Variants in CMSS1 observed in about 807,000 individuals in gnomAD.
The protein encoded by CMSS1 is protein CMSS1.
CMSS1 carries 33 observed loss-of-function variants against 43.5 expected under a neutral mutation model. The ratio of observed to expected loss-of-function variants is 0.76; its 90% CI spans 0.57 to 1.01. CMSS1 has a LOEUF of 1.01. CMSS1 is among the 50% of genes least tolerant of loss of function. The pLI, the probability that CMSS1 is intolerant of heterozygous loss-of-function variation, is 0.00. For missense variants in CMSS1, 313 were observed against 326.4 expected (o/e 0.96, Z 0.32); for synonymous variants, 115 against 117.2 (o/e 0.98, Z 0.12).
chr3:99,864,364 A>C (rs910474693), intron 1 of CMSS1, among the ~76,000 whole-genome samples: 1 of 152,152 alleles, frequency 6.6e-6, no homozygotes, highest in Non-Finnish European at 1.5e-5. Context: ...GTGCCACTAG[A>C]TCTCACTTAA....
chr3:100,036,430 A>AT (rs2065109790), intron 1 of CMSS1, among the ~76,000 whole-genome samples: 1 of 152,218 alleles, frequency 6.6e-6, no homozygotes, highest in Non-Finnish European at 1.5e-5. Flanking sequence ...CACTGGCCTA[A>AT]TCTGAAACAA....
At chr3:100,038,463 C>A (rs1231765448) in intron 1 of CMSS1, among the ~76,000 whole-genome samples, 2 of 152,020 alleles carry the variant, frequency 1.3e-5, no homozygotes, top group Non-Finnish European at 2.9e-5. Context: ...GAGTAGGGAG[C>A]GGAAACAGGC....
At chr3:100,044,233 T>C (rs1340055572) in intron 1 of CMSS1, among the ~76,000 whole-genome samples, 2 of 152,222 alleles carry the variant, frequency 1.3e-5, no homozygotes, top group African/African-American at 2.4e-5. Flanking sequence ...CCAGGCATTG[T>C]GATGGGCACA....
chr3:100,148,912 T>C (rs905336512), intron 2 of CMSS1, among the ~76,000 whole-genome samples: 1 of 152,160 alleles, frequency 6.6e-6, no homozygotes, highest in Admixed American at 6.5e-5. Flanking sequence ...TCAATCATTC[T>C]TCTGGAAACC....
intron 1 of CMSS1, among the ~76,000 whole-genome samples, chr3:100,061,923 G>A (rs1180927816): frequency 5.9e-5 from 9 of 151,880 alleles, no homozygotes; most frequent in Admixed American, 5.2e-4. Context: ...ATTGCTAACT[G>A]TGCAGTTTAA....
At chr3:99,991,600 C>G (rs918511704) in intron 1 of CMSS1, among the ~76,000 whole-genome samples, 4 of 151,980 alleles carry the variant, frequency 2.6e-5, no homozygotes, top group African/African-American at 9.7e-5. Context: ...CCTCACCCCC[C>G]TGCCACCTTC....
intron 1 of CMSS1, among the ~76,000 whole-genome samples, chr3:99,931,947 C>T (rs1011804857): frequency 6.6e-6 from 1 of 152,088 alleles, no homozygotes; most frequent in South Asian, 2.1e-4. Flanking sequence ...CTCTTTGTCC[C>T]TACAAATCAT....
intron 1 of CMSS1, among the ~76,000 whole-genome samples, chr3:99,840,317 G>A (rs1315681616): frequency 5.1e-5 from 7 of 136,824 alleles, no homozygotes; most frequent in Admixed American, 2.5e-4. Flanking sequence ...TCTGCCTCCC[G>A]GGTTGAAGCG....
intron 1 of CMSS1, among the ~76,000 whole-genome samples, chr3:99,906,249 C>T (rs755360977): frequency 5.9e-5 from 9 of 152,126 alleles, no homozygotes; most frequent in South Asian, 2.1e-4. Flanking sequence ...AGTACTCCCT[C>T]GTTGTAAATT....
chr3:99,957,177 A>G (rs1708344091), intron 1 of CMSS1, among the ~76,000 whole-genome samples: 1 of 152,224 alleles, frequency 6.6e-6, no homozygotes, highest in Non-Finnish European at 1.5e-5. Flanking sequence ...GGAGTGACAA[A>G]ACATTCATCA....
At chr3:99,878,885 A>G (rs1225066601) in intron 1 of CMSS1, among the ~76,000 whole-genome samples, 6 of 152,226 alleles carry the variant, frequency 3.9e-5, no homozygotes, top group African/African-American at 1.4e-4. Flanking sequence ...TCTTTCAACC[A>G]AAATTCTTTC....
chr3:99,886,143 A>G (rs1705888550), intron 1 of CMSS1, among the ~76,000 whole-genome samples: 1 of 152,254 alleles, frequency 6.6e-6, no homozygotes. Context: ...GAGATGATTT[A>G]TAGATATAGA....
intron 1 of CMSS1, among the ~76,000 whole-genome samples, chr3:99,840,779 T>C (rs949045811): frequency 2.0e-4 from 30 of 152,320 alleles, no homozygotes; most frequent in African/African-American, 7.2e-4. Flanking sequence ...TCACAAAGGT[T>C]AAATGACTTG....
intron 1 of CMSS1, among the ~76,000 whole-genome samples, chr3:100,046,460 A>G (rs1473588303): frequency 1.3e-5 from 2 of 152,044 alleles, no homozygotes; most frequent in Non-Finnish European, 2.9e-5. Flanking sequence ...GTAGTAGCCT[A>G]ACTGGTAGAT....
At chr3:99,917,605 T>C (rs1400090416) in intron 1 of CMSS1, among the ~76,000 whole-genome samples, 1 of 152,234 alleles carries the variant, frequency 6.6e-6, no homozygotes, top group Non-Finnish European at 1.5e-5. Flanking sequence ...AATTCTTGGC[T>C]TCTGAGATTT....
intron 1 of CMSS1, among the ~76,000 whole-genome samples, chr3:99,986,994 T>C (rs143285852): frequency 6.6e-6 from 1 of 151,548 alleles, no homozygotes; most frequent in Non-Finnish European, 1.5e-5. Context: ...TTTGGGAGGC[T>C]GAGGTAGGAG....
intron 1 of CMSS1, among the ~76,000 whole-genome samples, chr3:99,969,353 G>T (rs532943135): frequency 1.1e-4 from 16 of 152,206 alleles, no homozygotes; most frequent in Non-Finnish European, 2.1e-4. Flanking sequence ...TAAAATAAGA[G>T]CAAGCTAAGC....
chr3:100,116,636 A>T (rs557159869), intron 1 of CMSS1, among the ~76,000 whole-genome samples: 3 of 152,188 alleles, frequency 2.0e-5, no homozygotes, highest in African/African-American at 7.2e-5. Flanking sequence ...ACGCGCGCCT[A>T]TATCTGTTGC....
chr3:100,131,366 C>T (rs2066706621), intron 1 of CMSS1, among the ~76,000 whole-genome samples: 1 of 152,168 alleles, frequency 6.6e-6, no homozygotes. Context: ...CGATGTCTAC[C>T]ACGGGCAATA....
Sources: allele counts gnomAD v4.1 joint callset (sites outside exome capture counted in the v4.1 genomes callset), GRCh38; gene constraint gnomAD v4.1.1; transcripts MANE v1.5; gene names NCBI Gene and HGNC (gene_info 2026-07-23, HGNC 2026-07-21).